TRABD2B: variants seen among roughly 807,000 people sequenced by gnomAD.
TRABD2B encodes TraB domain containing 2B.
A neutral mutation model predicts 40.1 loss-of-function variants in TRABD2B; 14 were observed. The ratio of observed to expected loss-of-function variants is 0.35; its 90% CI spans 0.23 to 0.55. The LOEUF (loss-of-function observed/expected upper bound fraction) is 0.55, where lower values mean the gene tolerates loss of function less well. Among genes scored for constraint, TRABD2B ranks in the 20% least tolerant of loss-of-function variants. The probability of loss-of-function intolerance (pLI) is 0.90; values close to 1 mark genes in which losing one functional copy is unlikely to be tolerated. For synonymous variants in TRABD2B, 263 were observed against 277.0 expected (o/e 0.95, Z 0.50); for missense variants, 541 against 648.6 (o/e 0.83, Z 1.80).
chr1:47,976,476 T>A (rs996753450), intron 2 of TRABD2B, among the ~76,000 whole-genome samples: 2 of 152,174 alleles, frequency 1.3e-5, no homozygotes, highest in Non-Finnish European at 2.9e-5. Context: ...TTACCTACTA[T>A]GTGCTAGACA....
chr1:47,941,783 T>C (rs1267686197), intron 2 of TRABD2B, among the ~76,000 whole-genome samples: 2 of 152,240 alleles, frequency 1.3e-5, no homozygotes, highest in African/African-American at 4.8e-5. Context: ...CTCTGCCACA[T>C]ACTATCTGTG....
intron 2 of TRABD2B, among the ~76,000 whole-genome samples, chr1:47,946,064 G>C (rs1570342993): frequency 6.6e-6 from 1 of 152,130 alleles, no homozygotes; most frequent in African/African-American, 2.4e-5. Context: ...GCTATTATCG[G>C]TTTTAATTGT....
At chr1:47,912,577 T>C (rs1406725950) in intron 2 of TRABD2B, among the ~76,000 whole-genome samples, 2 of 152,208 alleles carry the variant, frequency 1.3e-5, no homozygotes, top group African/African-American at 4.8e-5. Context: ...ATCCAGTATG[T>C]GTTCTAGTGG....
chr1:47,924,151 G>C (rs1644941404), intron 2 of TRABD2B, among the ~76,000 whole-genome samples: 1 of 152,110 alleles, frequency 6.6e-6, no homozygotes, highest in South Asian at 2.1e-4. Context: ...TACGTGGGTG[G>C]CCTCCCCCAT....
intron 2 of TRABD2B, among the ~76,000 whole-genome samples, chr1:47,969,972 C>CTGG (rs1006211229): frequency 3.0e-4 from 45 of 152,260 alleles, no homozygotes; most frequent in African/African-American, 1.0e-3. Context: ...CCTTGTTGTT[C>CTGG]TGGTCCCTTT....
intron 2 of TRABD2B, among the ~76,000 whole-genome samples, chr1:47,841,540 C>T (rs959089248): frequency 5.9e-5 from 9 of 152,160 alleles, no homozygotes; most frequent in African/African-American, 2.2e-4. Context: ...CTGGGAGGTG[C>T]AGGAAGAGGC....
chr1:47,912,696 A>G (rs1431293049), intron 2 of TRABD2B, among the ~76,000 whole-genome samples: 1 of 152,170 alleles, frequency 6.6e-6, no homozygotes, highest in Non-Finnish European at 1.5e-5. Context: ...TGCTGGGGAG[A>G]CACTGGGCTT....
At chr1:47,840,750 G>A (rs1318155214) in intron 2 of TRABD2B, among the ~76,000 whole-genome samples, 1 of 152,142 alleles carries the variant, frequency 6.6e-6, no homozygotes, top group Non-Finnish European at 1.5e-5. Context: ...GCCTGAAGTG[G>A]GGCCCAGGGA....
At chr1:47,887,590 G>A (rs1329232927) in intron 2 of TRABD2B, among the ~76,000 whole-genome samples, 1 of 151,304 alleles carries the variant, frequency 6.6e-6, no homozygotes, top group Non-Finnish European at 1.5e-5. Context: ...CCGGCGGGGG[G>A]TGGGTGATTA....
chr1:47,880,358 A>G (rs972663200), intron 2 of TRABD2B, among the ~76,000 whole-genome samples: 10 of 152,232 alleles, frequency 6.6e-5, no homozygotes, highest in African/African-American at 2.4e-4. Flanking sequence ...AAAAACAGAA[A>G]TGAATTGATC....
chr1:47,801,679 G>A, intron 2 of TRABD2B, 60 bp from the exon 3 acceptor site: 1 of 1,502,886 alleles, frequency 6.7e-7, no homozygotes, highest in Non-Finnish European at 8.9e-7. Flanking sequence ...CTGAGCTCTA[G>A]GACTGACCCT....
chr1:47,876,365 A>T (rs1294284713), intron 2 of TRABD2B, among the ~76,000 whole-genome samples: 1 of 152,190 alleles, frequency 6.6e-6, no homozygotes, highest in Admixed American at 6.5e-5. Context: ...CAGTGAAGGG[A>T]CTTCCCATGG....
chr1:47,985,341 T>C (rs1217822620), intron 2 of TRABD2B, among the ~76,000 whole-genome samples: 2 of 152,158 alleles, frequency 1.3e-5, no homozygotes, highest in African/African-American at 4.8e-5. Context: ...ATAAGGGAGG[T>C]GGGAAGGAGC....
chr1:47,965,563 T>A (rs1407007176), intron 2 of TRABD2B, among the ~76,000 whole-genome samples: 2 of 151,820 alleles, frequency 1.3e-5, no homozygotes, highest in Non-Finnish European at 2.9e-5. Flanking sequence ...GCCCCAGCCC[T>A]CCCCCAGCCC....
intron 2 of TRABD2B, among the ~76,000 whole-genome samples, chr1:47,921,769 T>C (rs1308797230): frequency 6.6e-6 from 1 of 152,172 alleles, no homozygotes; most frequent in East Asian, 1.9e-4. Flanking sequence ...GCCAGGAGAC[T>C]CTGGCCGTCA....
At chr1:47,947,216 T>C (rs990207722) in intron 2 of TRABD2B, among the ~76,000 whole-genome samples, 1 of 152,220 alleles carries the variant, frequency 6.6e-6, no homozygotes, top group African/African-American at 2.4e-5. Flanking sequence ...TCTCTACTAA[T>C]GCTTATGAAC....
At chr1:47,986,881 C>T (rs964462993) in intron 2 of TRABD2B, among the ~76,000 whole-genome samples, 53 of 152,150 alleles carry the variant, frequency 3.5e-4, no homozygotes, top group African/African-American at 1.3e-3. Context: ...GAACTGAAGG[C>T]TCGGCCACCG....
intron 6 of TRABD2B, among the ~76,000 whole-genome samples, chr1:47,771,674 C>T (rs1178212639): frequency 6.6e-6 from 1 of 152,224 alleles, no homozygotes; most frequent in Non-Finnish European, 1.5e-5. Context: ...CTGGTCACAG[C>T]CCTGCCCTTC....
In TRABD2B at chr1:47,927,799, C is replaced by G. The variant is rs192170941; in HGVS notation, c.666+66235G>C. 7.9e-5 allele frequency among the ~76,000 whole-genome samples: 12 copies of G among 152,324 alleles called. No homozygotes were observed. In the East Asian group the frequency reaches 2.3e-3, roughly 29 times the overall value. ...CGAAATGGGAGACATTCTCCTTGCC[C>G]TGATCTTTGCATAGAAACTGAATGG... On this transcript the variant is annotated intron_variant, in intron 2 of 6. Transcript: ENST00000606738.
Sources: gnomAD v4.1 joint callset for allele counts (sites outside exome capture counted in the v4.1 genomes callset) on GRCh38, gnomAD v4.1.1 for gene constraint, MANE v1.5 for transcripts, NCBI Gene and HGNC (gene_info 2026-07-23, HGNC 2026-07-21) for gene names.